Variants in SPINT2 observed in about 807,000 individuals in gnomAD.
SPINT2 encodes the protein kunitz-type protease inhibitor 2.
In SPINT2, 18 loss-of-function variants were observed where a neutral mutation model predicts 30.1. That is an observed-to-expected ratio of 0.60 (90% CI 0.41 to 0.89). The LOEUF is 0.89. Among genes scored for constraint, SPINT2 ranks in the 40% least tolerant of loss-of-function variants. The probability of loss-of-function intolerance (pLI) is 0.00; values close to 1 mark genes in which losing one functional copy is unlikely to be tolerated. For synonymous variants in SPINT2, 139 were observed against 137.9 expected, an observed-to-expected ratio of 1.01 and a Z score of -0.05; for missense variants, 276 against 334.3, an observed-to-expected ratio of 0.83 and a Z score of 1.36.
chr19:38,279,122 G>T (rs1273040797), intron 1 of SPINT2, among the ~76,000 whole-genome samples: 3 of 151,690 alleles, frequency 2.0e-5, no homozygotes, highest in Admixed American at 2.0e-4. Context: ...GTTAAATTTA[G>T]TCTTATTTGG....
chr19:38,282,474 T>C (rs1425017283), intron 1 of SPINT2, among the ~76,000 whole-genome samples: 3 of 152,224 alleles, frequency 2.0e-5, no homozygotes, highest in Non-Finnish European at 4.4e-5. Flanking sequence ...TGTTTTCTTT[T>C]CAGGTCGCCT....
intron 1 of SPINT2, among the ~76,000 whole-genome samples, chr19:38,272,003 G>A (rs1968463168): frequency 6.6e-6 from 1 of 152,142 alleles, no homozygotes; most frequent in Admixed American, 6.6e-5. Context: ...CACTTTGGGG[G>A]GCTGAGGCAG....
rs777029429 is a variant in SPINT2 at position 38,289,127 on chromosome 19, TTG to T, written c.338-7_338-6del. 6.2e-7 allele frequency: 1 copy of T among 1,613,238 alleles called. No individual in the cohort carries two copies. Among genetic ancestry groups the T allele is most frequent in the South Asian group, 1.1e-5 (1 of 91,048 alleles). ...GGCCCAGCCTCCCTAACACAGATGT[TTG>T]TGTTTCAGCTCCCAGAAGGCAGGAT... is the stretch of plus-strand genomic sequence containing the variant. On this transcript the variant is annotated splice_polypyrimidine_tract_variant and intron_variant, in intron 3 of 6. Transcript: ENST00000301244.
At chr19:38,286,407 G>A (rs1968641365) in intron 2 of SPINT2, among the ~76,000 whole-genome samples, 1 of 152,246 alleles carries the variant, frequency 6.6e-6, no homozygotes, top group Admixed American at 6.5e-5. Flanking sequence ...AATAGCATCA[G>A]GCTAGGCCAG....
At chr19:38,286,290 G>T (rs1012035926) in intron 2 of SPINT2, among the ~76,000 whole-genome samples, 4 of 152,144 alleles carry the variant, frequency 2.6e-5, no homozygotes, top group Non-Finnish European at 4.4e-5. Context: ...GTGTCCCCGG[G>T]CCCACGCCTT....
intron 2 of SPINT2, 65 bp downstream of exon 2, chr19:38,283,862 G>C: frequency 1.0e-6 from 1 of 1,004,176 alleles, no homozygotes; most frequent in Non-Finnish European, 1.3e-6. Context: ...TTTTTTTTGA[G>C]ACGGAGTCTT....
chr19:38,290,174 G>T lies in SPINT2; in HGVS notation c.447G>T (p.Trp149Cys), dbSNP rs780880496. The T allele has an allele frequency of 9.9e-6, 16 of 1,612,512 alleles. No individual in the cohort carries two copies. The Admixed American group carries it at 1.2e-4, about 12-fold the overall frequency. ...TGPCRASFPR[W>C]YFDVERNSCN... ...CTTGCCGTGCATCCTTCCCACGCTGGTACTTTGACGTGGAGAGGAACTCCT... is the reference window on the plus strand; with the variant it reads ...CTTGCCGTGCATCCTTCCCACGCTGTTACTTTGACGTGGAGAGGAACTCCT... The change falls in exon 5 of 7, where the codon TGG (tryptophan) becomes TGT (cysteine). Residue 149 changes from tryptophan (W) to cysteine (C), a missense_variant. Physicochemically the swap from Trp to Cys is radical, Grantham distance 215. Coordinates refer to ENST00000301244, the MANE Select transcript of SPINT2 (RefSeq NM_021102.4). This position sits in a 1 kb window ranked among gnomAD's most constrained non-coding sequence, Gnocchi z 4.3.
In SPINT2 at chr19:38,290,709, G is replaced by T. The variant is rs542846161; in HGVS notation, c.592+134G>T. On this transcript the variant is annotated intron_variant, in intron 6 of 6. Transcript: ENST00000301244. This position sits in a 1 kb window ranked among gnomAD's most constrained non-coding sequence, Gnocchi z 4.3. The stretch of plus-strand genomic sequence containing the variant: ...TCTTGGCAGAAAGTCATGTTTCTGC[G>T]TGAGAATGGCGAGGTGGTGGTTTGT... 8.0e-7 allele frequency: 1 copy of T among 1,243,212 alleles called. No homozygotes were observed. The allele number at this position is 1,243,212 out of a possible 1,614,324, so 77.0% of individuals were successfully genotyped here. A position where few individuals can be genotyped will look rare whatever the true frequency, so the allele number is the denominator to read the frequency against.
rs148652374 is a variant in SPINT2, at chr19:38,291,912, G to A, written c.665G>A (p.Arg222Gln). The change falls in exon 7 of 7, where the codon CGG (arginine) becomes CAG (glutamine). Residue 222 changes from arginine to glutamine, a missense_variant. Arg to Gln is a conservative substitution (Grantham distance 43). Transcript: ENST00000301244. ...FLGASMVYLIRVARRNQERAL... is the reference protein window; with the variant it reads ...FLGASMVYLIQVARRNQERAL... Reference sequence around the variant, plus strand: ...GGAGCCTCCATGGTCTACCTGATCCGGGTGGCACGGAGGAACCAGGAGCGT... The same window carrying A: ...GGAGCCTCCATGGTCTACCTGATCCAGGTGGCACGGAGGAACCAGGAGCGT... The A allele has an allele frequency of 8.1e-6, 13 of 1,614,052 alleles. No individual in the cohort carries two copies. The highest frequency in any genetic ancestry group is 4.5e-5 in the East Asian group (2 of 44,874).
At chr19:38,271,351 GC>G (rs1292561086) in intron 1 of SPINT2, among the ~76,000 whole-genome samples, 1 of 151,780 alleles carries the variant, frequency 6.6e-6, no homozygotes, top group Non-Finnish European at 1.5e-5. Flanking sequence ...AATTAGCCTC[GC>G]GTGGTGGCGG....
At chr19:38,287,323 G>A (rs111771518) in intron 2 of SPINT2, among the ~76,000 whole-genome samples, 47 of 152,208 alleles carry the variant, frequency 3.1e-4, no homozygotes, top group African/African-American at 9.9e-4. Flanking sequence ...CTCAGCCTCC[G>A]GAGTAGCTGG....
intron 1 of SPINT2, among the ~76,000 whole-genome samples, 186 bp from the exon 2 acceptor site, chr19:38,283,441 G>A (rs537895302): frequency 9.8e-5 from 15 of 152,292 alleles, no homozygotes; most frequent in Admixed American, 3.3e-4. Context: ...GTTGGGTGAT[G>A]TGTTTATACA....
chr19:38,284,817 G>A (rs1282332333), intron 2 of SPINT2, among the ~76,000 whole-genome samples: 3 of 152,072 alleles, frequency 2.0e-5, no homozygotes, highest in African/African-American at 7.2e-5. Flanking sequence ...GAGCAATCTC[G>A]GTTCACTGCA....
intron 1 of SPINT2, among the ~76,000 whole-genome samples, chr19:38,266,806 G>A (rs565411349): frequency 6.6e-6 from 1 of 152,348 alleles, no homozygotes; most frequent in Non-Finnish European, 1.5e-5. Flanking sequence ...TCAGCTGTAG[G>A]TGACTGGGAG....
At chr19:38,275,768 T>A (rs983861638) in intron 1 of SPINT2, among the ~76,000 whole-genome samples, 1 of 144,162 alleles carries the variant, frequency 6.9e-6, no homozygotes. Context: ...AGTTTCACTC[T>A]TGTTGCCCAG....
intron 1 of SPINT2, among the ~76,000 whole-genome samples, chr19:38,279,250 G>C (rs1169633288): frequency 1.3e-5 from 2 of 151,018 alleles, no homozygotes; most frequent in East Asian, 3.9e-4. Flanking sequence ...TGTAAACCCA[G>C]CACTTTGGGA....
In SPINT2 at chr19:38,290,034, G is replaced by A. The variant is rs962074212; in HGVS notation, c.392-85G>A. 53 of 1,481,042 alleles carry A rather than the reference G, an allele frequency of 3.6e-5. No individual in the cohort carries two copies. Among genetic ancestry groups the A allele is most frequent in the African/African-American group, 1.1e-4 (8 of 72,280 alleles). 91.7% of individuals were successfully genotyped at this position (1,481,042 alleles called of 1,614,324 possible). ...AGATGTTTCTCCGTCTGCTGGAGCC[G>A]CAAGCCTCCTCAGGCACTTTCTGGC... On this transcript the variant is annotated intron_variant, in intron 4 of 6. Transcript: ENST00000301244. The surrounding 1 kb of genome is among the most constrained non-coding windows in gnomAD (Gnocchi z 4.3).
chr19:38,283,373 A>G (rs980322477), intron 1 of SPINT2, among the ~76,000 whole-genome samples: 7 of 152,092 alleles, frequency 4.6e-5, no homozygotes, highest in African/African-American at 1.4e-4. Context: ...AATAATGGGG[A>G]CAGGGGACAA....
chr19:38,282,496 A>G (rs1402475509), intron 1 of SPINT2, among the ~76,000 whole-genome samples: 1 of 152,136 alleles, frequency 6.6e-6, no homozygotes, highest in East Asian at 1.9e-4. Context: ...CAATCCTTCC[A>G]GTGGAAAGGC....
Sources: allele counts gnomAD v4.1 joint callset (sites outside exome capture counted in the v4.1 genomes callset), GRCh38; gene constraint gnomAD v4.1.1; non-coding constraint Gnocchi (gnomAD v3.1); transcripts MANE v1.5; gene names NCBI Gene and HGNC (gene_info 2026-07-23, HGNC 2026-07-21).